NOL4: variants seen among roughly 807,000 people sequenced by gnomAD.
NOL4 encodes nucleolar protein 4.
Under a neutral mutation model 75.9 loss-of-function variants are expected in NOL4, and 17 were observed. The ratio of observed to expected loss-of-function variants is 0.22; its 90% CI spans 0.15 to 0.34. NOL4 has a LOEUF of 0.34. Ranked by LOEUF, NOL4 falls within the 10% of genes least tolerant of loss-of-function variation. The pLI, the probability that NOL4 is intolerant of heterozygous loss-of-function variation, is 1.00. For missense variants in NOL4, 614 were observed against 793.5 expected, an observed-to-expected ratio of 0.77 and a Z score of 2.72; for synonymous variants, 292 against 289.9, an observed-to-expected ratio of 1.01 and a Z score of -0.07.
chr18:34,028,829 T>C (rs73416335), intron 5 of NOL4, among the ~76,000 whole-genome samples: 1 of 152,234 alleles, frequency 6.6e-6, no homozygotes, highest in African/African-American at 2.4e-5. Flanking sequence ...GAAGTAAAAG[T>C]GGTAGGGGAG....
intron 1 of NOL4, among the ~76,000 whole-genome samples, chr18:34,199,612 G>A (rs1453417165): frequency 6.6e-6 from 1 of 151,838 alleles, no homozygotes; most frequent in Non-Finnish European, 1.5e-5. Context: ...AACACCAGAA[G>A]ATGAACACGT....
intron 9 of NOL4, among the ~76,000 whole-genome samples, chr18:33,938,178 C>T (rs187015840): frequency 6.6e-6 from 1 of 151,996 alleles, no homozygotes; most frequent in African/African-American, 2.4e-5. Context: ...ATCATTCCAC[C>T]TCTCTGGGCC....
chr18:34,137,779 T>TACACACAC (rs1156472289), intron 1 of NOL4, among the ~76,000 whole-genome samples: 21 of 147,146 alleles, frequency 1.4e-4, no homozygotes, highest in African/African-American at 1.5e-4. Flanking sequence ...ATATACGAAA[T>TACACACAC]ACACACACAC....
chr18:34,203,213 C>T (rs931802641), intron 1 of NOL4, among the ~76,000 whole-genome samples: 12 of 151,866 alleles, frequency 7.9e-5, no homozygotes, highest in Non-Finnish European at 1.8e-4. Context: ...TATATAGGTC[C>T]ATTTTGAAAT....
intron 1 of NOL4, among the ~76,000 whole-genome samples, chr18:34,204,883 T>C (rs774766240): frequency 1.7e-4 from 26 of 152,168 alleles, no homozygotes; most frequent in Non-Finnish European, 3.7e-4. Context: ...TATTGTTAAA[T>C]GTACTCATTT....
chr18:33,984,763 C>G (rs758014583), intron 6 of NOL4, among the ~76,000 whole-genome samples: 3 of 152,044 alleles, frequency 2.0e-5, no homozygotes, highest in Admixed American at 6.6e-5. Flanking sequence ...CAGGTAATTC[C>G]TTATAGCAGT....
At chr18:34,034,923 G>C (rs117828914) in intron 5 of NOL4, among the ~76,000 whole-genome samples, 1 of 151,474 alleles carries the variant, frequency 6.6e-6, no homozygotes, top group African/African-American at 2.4e-5. Flanking sequence ...TAAATATATA[G>C]GCACCCAACA....
chr18:34,114,765 G>C (rs896968890), intron 2 of NOL4, among the ~76,000 whole-genome samples: 8 of 152,164 alleles, frequency 5.3e-5, no homozygotes, highest in Middle Eastern at 3.4e-3. Context: ...AATGCTGGAA[G>C]TCAAACAAGG....
chr18:34,111,273 T>C (rs924983249), intron 2 of NOL4, among the ~76,000 whole-genome samples: 2 of 152,164 alleles, frequency 1.3e-5, no homozygotes, highest in Non-Finnish European at 2.9e-5. Flanking sequence ...TTCAAAAACA[T>C]ATAAAGAACT....
intron 5 of NOL4, among the ~76,000 whole-genome samples, chr18:34,086,478 CA>C (rs1427721552): frequency 5.3e-5 from 8 of 152,054 alleles, no homozygotes; most frequent in Non-Finnish European, 1.0e-4. Context: ...TTCACCATCA[CA>C]AAAAAGTTAA....
chr18:34,139,144 T>A (rs1568384359), intron 1 of NOL4, among the ~76,000 whole-genome samples: 1 of 152,198 alleles, frequency 6.6e-6, no homozygotes, highest in Non-Finnish European at 1.5e-5. Flanking sequence ...TTCTCCTTTT[T>A]TGTTGTGTCT....
chr18:33,965,123 A>G (rs1349762878), intron 6 of NOL4, among the ~76,000 whole-genome samples: 1 of 152,184 alleles, frequency 6.6e-6, no homozygotes, highest in Non-Finnish European at 1.5e-5. Flanking sequence ...CAAAATATCC[A>G]CACTTGTTAG....
At chr18:34,146,020 C>A (rs1361901199) in intron 1 of NOL4, among the ~76,000 whole-genome samples, 2 of 151,940 alleles carry the variant, frequency 1.3e-5, no homozygotes, top group East Asian at 3.9e-4. Context: ...TGGCCAATCC[C>A]CATGCGAAAA....
chr18:34,162,541 G>A (rs1246799705), intron 1 of NOL4, among the ~76,000 whole-genome samples: 1 of 152,156 alleles, frequency 6.6e-6, no homozygotes, highest in Non-Finnish European at 1.5e-5. Flanking sequence ...AAACCAGGAA[G>A]AAGTTGAATC....
At chr18:33,859,239 T>C (rs2062978294) in intron 10 of NOL4, among the ~76,000 whole-genome samples, 1 of 152,114 alleles carries the variant, frequency 6.6e-6, no homozygotes. Context: ...TTAGTTATAT[T>C]CCATAAATCT....
At position 33,943,169 on chromosome 18, in the gene NOL4, T is replaced by C. The variant is rs1350834245; in HGVS notation, c.1438A>G (p.Ile480Val). The C allele has an allele frequency of 6.2e-7, 1 of 1,608,074 alleles. No individual in the cohort carries two copies. Among genetic ancestry groups the C allele is most frequent in the Non-Finnish European group, 8.5e-7 (1 of 1,177,212 alleles). Residue 480 changes from isoleucine (I) to valine (V), a missense_variant, in exon 9 of 11, where the codon ATT becomes GTT. Physicochemically the swap from Ile to Val is conservative, Grantham distance 29. This residue lies in a region of NOL4 where 52 missense variants were observed against 121.1 expected (regional missense o/e 0.43). Transcript: ENST00000261592. The stretch of plus-strand genomic sequence containing the variant: ...ACTGCTGAAGTAAGGTGGGAAGGAA[T>C]AGGTCGAGACTAAAAAAAAAAAGAG... ...KRSGFEMSRPIPSHLTSAVAE... is the reference protein window; with the variant it reads ...KRSGFEMSRPVPSHLTSAVAE...
intron 2 of NOL4, among the ~76,000 whole-genome samples, chr18:34,106,471 T>G (rs2079284112): frequency 6.6e-6 from 1 of 152,026 alleles, no homozygotes; most frequent in Non-Finnish European, 1.5e-5. Flanking sequence ...ATAATCCATA[T>G]TCAGGTCATT....
chr18:34,064,407 T>C lies in NOL4; in HGVS notation c.772+29058A>G, dbSNP rs148884262. 2.7e-3 allele frequency among the ~76,000 whole-genome samples: 416 copies of C among 152,082 alleles called. 2 individuals carry two copies. The highest frequency in any genetic ancestry group is 9.4e-3 in the African/African-American group (392 of 41,554). On this transcript the variant is annotated intron_variant, in intron 5 of 10. Coordinates refer to ENST00000261592, the MANE Select transcript of NOL4 (RefSeq NM_003787.5). ...CTCAGAGCACATGTCCTTTTCCTCC[T>C]CCACATTTACTACAACATTATAAAA...
chr18:34,144,329 C>A (rs2081312268), intron 1 of NOL4, among the ~76,000 whole-genome samples: 1 of 152,012 alleles, frequency 6.6e-6, no homozygotes, highest in Non-Finnish European at 1.5e-5. Flanking sequence ...TTATGTCATT[C>A]AAGATGAGTA....
Sources: gnomAD v4.1 joint callset for allele counts (sites outside exome capture counted in the v4.1 genomes callset) on GRCh38, gnomAD v4.1.1 for gene constraint, gnomAD v4.1.1 regional missense constraint, MANE v1.5 for transcripts, NCBI Gene and HGNC (gene_info 2026-07-23, HGNC 2026-07-21) for gene names.